MCTP1: variants seen among roughly 807,000 people sequenced by gnomAD.
MCTP1 encodes the protein multiple C2 and transmembrane domain-containing protein 1.
MCTP1 carries 69 observed loss-of-function variants against 120.6 expected under a neutral mutation model. The observed-to-expected ratio is 0.57, with a 90% CI of 0.47 to 0.70. The LOEUF is 0.70. Among genes scored for constraint, MCTP1 ranks in the 30% least tolerant of loss-of-function variants. The pLI, the probability that MCTP1 is intolerant of heterozygous loss-of-function variation, is 0.00. For synonymous variants in MCTP1, 529 were observed against 493.1 expected (o/e 1.07, Z -0.96); for missense variants, 1,203 against 1,248.8 (o/e 0.96, Z 0.55).
At chr5:94,849,885 A>C (rs756425806) in intron 17 of MCTP1, among the ~76,000 whole-genome samples, 1 of 152,198 alleles carries the variant, frequency 6.6e-6, no homozygotes, top group Non-Finnish European at 1.5e-5. Context: ...AAGCAATGGC[A>C]CTTTGCAGTA....
intron 1 of MCTP1, among the ~76,000 whole-genome samples, chr5:95,232,310 AATG>A (rs1470653574): frequency 6.6e-6 from 1 of 152,038 alleles, no homozygotes; most frequent in Non-Finnish European, 1.5e-5. Flanking sequence ...CAAATAGGAT[AATG>A]ATGATAATAG....
rs139601780 is a variant in MCTP1, at chr5:94,912,890, C to G, written c.1437G>C (p.Gly479=). 191 of 1,601,098 alleles carry G rather than the reference C, an allele frequency of 1.2e-4. No homozygotes were observed. Among genetic ancestry groups the G allele is most frequent in the Non-Finnish European group, 1.6e-4 (186 of 1,174,554 alleles). ...TGGAATCCATGGCCTTGAGGTCTCT[C>G]CCTTCAATCAAGGTGATGCTGACTA... ...RGIVSITLIE[G]RDLKAMDSNG... Residue 479 remains glycine, a synonymous_variant, in exon 9 of 23, where the codon GGG becomes GGC. Transcript: ENST00000515393.
rs140376365 is a variant in MCTP1, at chr5:94,896,672, T to C, written c.1653-1837A>G. Among the ~76,000 whole-genome samples the C allele has an allele frequency of 1.6e-3, 241 of 152,356 alleles. 1 individual carries two copies. Among genetic ancestry groups the C allele is most frequent in the African/African-American group, 4.5e-3 (189 of 41,578 alleles). ...GCAAGCTGGCAATTTTCAGATGGAATCTGATTCACAGATTTGTTGTTTTGC... is the reference window on the plus strand; with the variant it reads ...GCAAGCTGGCAATTTTCAGATGGAACCTGATTCACAGATTTGTTGTTTTGC... On this transcript the variant is annotated intron_variant, in intron 10 of 22. Transcript: ENST00000515393.
intron 2 of MCTP1, among the ~76,000 whole-genome samples, chr5:94,992,393 A>T (rs1200728526): frequency 6.6e-6 from 1 of 152,188 alleles, no homozygotes; most frequent in Non-Finnish European, 1.5e-5. Context: ...TCTACTCTTT[A>T]GAACAAGTGT....
chr5:94,846,781 GTGTGTGTCTCCGTACA>G (rs1397112738), intron 17 of MCTP1, among the ~76,000 whole-genome samples: 1 of 151,530 alleles, frequency 6.6e-6, no homozygotes, highest in African/African-American at 2.4e-5. Context: ...TCTCTGGTAT[GTGTGTGTCTCCGTACA>G]TGTGTGTCTC....
intron 1 of MCTP1, among the ~76,000 whole-genome samples, chr5:95,031,788 A>G (rs1429994803): frequency 6.6e-6 from 1 of 152,200 alleles, no homozygotes; most frequent in East Asian, 1.9e-4. Flanking sequence ...CTAAAAAGAC[A>G]TAGAGTGGCA....
At chr5:94,871,033 A>G (rs1333988590) in intron 14 of MCTP1, 60 bp from the exon 15 acceptor site, 3 of 1,363,942 alleles carry the variant, frequency 2.2e-6, no homozygotes, top group African/African-American at 1.4e-5. Flanking sequence ...ACACTCCCTC[A>G]GTGACCTTTG....
intron 17 of MCTP1, among the ~76,000 whole-genome samples, chr5:94,857,590 T>G (rs965765191): frequency 2.6e-5 from 4 of 151,752 alleles, no homozygotes; most frequent in African/African-American, 9.7e-5. Flanking sequence ...TTTTTCATAC[T>G]GATACAAACT....
chr5:94,767,220 C>A (rs1334191275), intron 19 of MCTP1, among the ~76,000 whole-genome samples: 1 of 152,162 alleles, frequency 6.6e-6, no homozygotes. Flanking sequence ...TTCAACATCT[C>A]TTTATTATAC....
intron 1 of MCTP1, among the ~76,000 whole-genome samples, chr5:95,022,643 G>A (rs1423431564): frequency 1.3e-5 from 2 of 152,214 alleles, no homozygotes; most frequent in African/African-American, 4.8e-5. Flanking sequence ...TCTAAATAAA[G>A]TTGGCGAATC....
At chr5:95,116,515 A>C (rs990191145) in intron 1 of MCTP1, among the ~76,000 whole-genome samples, 6 of 150,656 alleles carry the variant, frequency 4.0e-5, no homozygotes, top group Admixed American at 1.3e-4. Context: ...TGGCTATTCA[A>C]GCTCTTTTTT....
chr5:95,008,163 C>A (rs1017306308), intron 2 of MCTP1, among the ~76,000 whole-genome samples: 2 of 152,132 alleles, frequency 1.3e-5, no homozygotes, highest in African/African-American at 4.8e-5. Flanking sequence ...ATTATAACCT[C>A]ATTTCCATGC....
chr5:95,218,316 T>C (rs972381001), intron 1 of MCTP1, among the ~76,000 whole-genome samples: 2 of 152,216 alleles, frequency 1.3e-5, no homozygotes, highest in African/African-American at 4.8e-5. Context: ...CAACACTACA[T>C]ACCCAGTTTC....
intron 1 of MCTP1, among the ~76,000 whole-genome samples, chr5:95,087,226 G>C (rs1237567552): frequency 3.9e-5 from 6 of 152,180 alleles, no homozygotes; most frequent in Non-Finnish European, 8.8e-5. Flanking sequence ...CCCCTGCTTA[G>C]GGGTGACAGT....
At chr5:95,193,863 C>A (rs1304661222) in intron 1 of MCTP1, among the ~76,000 whole-genome samples, 1 of 152,096 alleles carries the variant, frequency 6.6e-6, no homozygotes, top group Non-Finnish European at 1.5e-5. Context: ...CAAGAACCCC[C>A]TATAAAGTAA....
chr5:94,808,569 CTTTT>C (rs1782816089), intron 17 of MCTP1, among the ~76,000 whole-genome samples: 1 of 152,088 alleles, frequency 6.6e-6, no homozygotes, highest in African/African-American at 2.4e-5. Context: ...AAATTGCTTT[CTTTT>C]TGACTAGTTT....
chr5:94,875,593 T>C (rs1798684077), intron 12 of MCTP1, among the ~76,000 whole-genome samples: 1 of 151,998 alleles, frequency 6.6e-6, no homozygotes, highest in South Asian at 2.1e-4. Flanking sequence ...AGGAGGCAAT[T>C]GCAATAATCT....
intron 1 of MCTP1, among the ~76,000 whole-genome samples, chr5:95,032,123 C>T (rs1840417211): frequency 6.6e-6 from 1 of 151,962 alleles, no homozygotes; most frequent in Non-Finnish European, 1.5e-5. Flanking sequence ...AAAGAGATAA[C>T]CAGCCATACA....
chr5:95,124,287 T>C (rs1053611049), intron 1 of MCTP1, among the ~76,000 whole-genome samples: 2 of 152,220 alleles, frequency 1.3e-5, no homozygotes, highest in Non-Finnish European at 2.9e-5. Context: ...ATTTGAACCA[T>C]AGGTGGGTGT....
Sources: gnomAD v4.1 joint callset for allele counts (sites outside exome capture counted in the v4.1 genomes callset) on GRCh38, gnomAD v4.1.1 for gene constraint, MANE v1.5 for transcripts, NCBI Gene and HGNC (gene_info 2026-07-23, HGNC 2026-07-21) for gene names.